Variants in PTPRD observed in about 807,000 individuals in gnomAD.
PTPRD encodes the protein receptor-type tyrosine-protein phosphatase delta.
A neutral mutation model predicts 214.5 loss-of-function variants in PTPRD; 34 were observed. The ratio of observed to expected loss-of-function variants is 0.16; its 90% confidence interval spans 0.12 to 0.21. PTPRD has a LOEUF of 0.21. Among genes scored for constraint, PTPRD ranks in the 10% least tolerant of loss-of-function variants. The pLI, the probability that PTPRD is intolerant of heterozygous loss-of-function variation, is 1.00. For missense variants in PTPRD, 2,545 were observed against 2,398.7 expected (o/e 1.06, Z -1.27); for synonymous variants, 1,128 against 845.7 (o/e 1.33, Z -5.79).
chr9:8,327,399 CTG>C (rs1371761607), intron 44 of PTPRD, among the ~76,000 whole-genome samples: 2 of 151,680 alleles, frequency 1.3e-5, no homozygotes, highest in African/African-American at 2.4e-5. Flanking sequence ...GTCTGAGAGA[CTG>C]TTTGTTATGA....
chr9:8,710,562 G>A (rs954166824), intron 12 of PTPRD, among the ~76,000 whole-genome samples: 3 of 152,274 alleles, frequency 2.0e-5, no homozygotes, highest in African/African-American at 7.2e-5. Flanking sequence ...GCTGAGGTTA[G>A]CAGTGATTGT....
Position 8,774,438 on chromosome 9 carries a change from G to T in PTPRD, c.-103-40492C>A, listed in dbSNP as rs556722466. ...AAGATGAAGATGAAGAAAAAACAGG[G>T]AGCTTTAGAGACTTTGTAAAGGATT... On this transcript the variant is annotated intron_variant, in intron 11 of 45. Coordinates refer to ENST00000381196, the MANE Select transcript of PTPRD (RefSeq NM_002839.4). 3.3e-5 allele frequency among the ~76,000 whole-genome samples: 5 copies of T among 151,786 alleles called. No homozygotes were observed. In the South Asian group the frequency reaches 1.0e-3, roughly 32 times the overall value.
chr9:8,710,628 A>T (rs533526702), intron 12 of PTPRD, among the ~76,000 whole-genome samples: 1 of 152,296 alleles, frequency 6.6e-6, no homozygotes, highest in East Asian at 1.9e-4. Flanking sequence ...AAAATAAATA[A>T]ATAAAAATAA....
intron 2 of PTPRD, among the ~76,000 whole-genome samples, chr9:10,531,721 G>A (rs1235591669): frequency 6.6e-6 from 1 of 152,128 alleles, no homozygotes; most frequent in Non-Finnish European, 1.5e-5. Flanking sequence ...TCAACTGGGT[G>A]CAATTTTCTG....
chr9:8,354,601 C>T (rs947444189), intron 39 of PTPRD, among the ~76,000 whole-genome samples: 2 of 152,178 alleles, frequency 1.3e-5, no homozygotes, highest in South Asian at 2.1e-4. Flanking sequence ...AATAAAGGTA[C>T]TGTTAAAATA....
At chr9:10,389,629 T>C (rs2098013249) in intron 2 of PTPRD, among the ~76,000 whole-genome samples, 1 of 151,868 alleles carries the variant, frequency 6.6e-6, no homozygotes, top group Non-Finnish European at 1.5e-5. Context: ...AATAAATCCA[T>C]ATTCAGATGG....
intron 3 of PTPRD, among the ~76,000 whole-genome samples, chr9:10,299,697 A>G (rs2095801657): frequency 6.6e-6 from 1 of 152,186 alleles, no homozygotes; most frequent in South Asian, 2.1e-4. Context: ...GAGTCACTAC[A>G]GGTCATAACA....
At chr9:9,628,722 A>G (rs1238852513) in intron 7 of PTPRD, among the ~76,000 whole-genome samples, 1 of 152,134 alleles carries the variant, frequency 6.6e-6, no homozygotes, top group African/African-American at 2.4e-5. Flanking sequence ...ATGACTATTT[A>G]TTAACTATCT....
chr9:9,308,822 T>A (rs1433973388), intron 9 of PTPRD, among the ~76,000 whole-genome samples: 1 of 152,180 alleles, frequency 6.6e-6, no homozygotes, highest in Non-Finnish European at 1.5e-5. Context: ...TGAATTTATT[T>A]AAACTACAAA....
chr9:10,088,254 A>G (rs2098381330), intron 3 of PTPRD, among the ~76,000 whole-genome samples: 1 of 151,794 alleles, frequency 6.6e-6, no homozygotes, highest in Non-Finnish European at 1.5e-5. Flanking sequence ...TTGTACCAGT[A>G]GGAAATTTCT....
intron 5 of PTPRD, among the ~76,000 whole-genome samples, chr9:9,819,285 G>A (rs918988231): frequency 6.6e-6 from 1 of 152,064 alleles, no homozygotes; most frequent in African/African-American, 2.4e-5. Context: ...ATTTATTACA[G>A]GTCTCTATAA....
At chr9:8,770,988 G>C (rs545577447) in intron 11 of PTPRD, among the ~76,000 whole-genome samples, 1 of 152,032 alleles carries the variant, frequency 6.6e-6, no homozygotes, top group Non-Finnish European at 1.5e-5. Context: ...GAACATCCTG[G>C]CTAATACGGT....
chr9:9,264,887 A>G (rs1436473591), intron 9 of PTPRD, among the ~76,000 whole-genome samples: 1 of 118,258 alleles, frequency 8.5e-6, no homozygotes, highest in Non-Finnish European at 1.8e-5. Context: ...GACGTATTCA[A>G]AGTGATGAAA....
chr9:9,312,501 A>G (rs911994821), intron 9 of PTPRD, among the ~76,000 whole-genome samples: 1 of 152,178 alleles, frequency 6.6e-6, no homozygotes, highest in African/African-American at 2.4e-5. Context: ...TGGAGTTTTC[A>G]GCTTTCCCCA....
intron 10 of PTPRD, among the ~76,000 whole-genome samples, chr9:9,109,113 G>A (rs951577135): frequency 3.3e-5 from 5 of 152,296 alleles, no homozygotes; most frequent in South Asian, 4.1e-4. Context: ...AATAAACCAT[G>A]AGGGAAGAAT....
At chr9:10,510,911 A>G (rs1435123935) in intron 2 of PTPRD, among the ~76,000 whole-genome samples, 2 of 152,104 alleles carry the variant, frequency 1.3e-5, no homozygotes, top group Non-Finnish European at 2.9e-5. Flanking sequence ...CCTCCATGAG[A>G]TGAATACTTT....
intron 11 of PTPRD, among the ~76,000 whole-genome samples, chr9:8,759,912 C>G (rs936530629): frequency 2.6e-5 from 4 of 152,196 alleles, no homozygotes; most frequent in East Asian, 1.9e-4. Flanking sequence ...TTACTATCCT[C>G]TAACTGACAG....
chr9:9,774,542 C>A (rs527568182), intron 5 of PTPRD, among the ~76,000 whole-genome samples: 1 of 152,178 alleles, frequency 6.6e-6, no homozygotes, highest in East Asian at 1.9e-4. Context: ...TAGTGAATAC[C>A]ATCAACTTCA....
At chr9:8,633,269 C>G (rs777212419) in intron 14 of PTPRD, 48 bp downstream of exon 14, 1 of 1,586,964 alleles carries the variant, frequency 6.3e-7, no homozygotes, top group Admixed American at 1.8e-5. Flanking sequence ...AAAAGAGATA[C>G]AGAATTGTAA....
Sources: allele counts gnomAD v4.1 joint callset (sites outside exome capture counted in the v4.1 genomes callset), GRCh38; gene constraint gnomAD v4.1.1; transcripts MANE v1.5; gene names NCBI Gene and HGNC (gene_info 2026-07-23, HGNC 2026-07-21).